NAV3: variants seen among roughly 807,000 people sequenced by gnomAD.
The protein encoded by NAV3 is pore membrane and/or filament interacting like protein 1.
A neutral mutation model predicts 244.7 loss-of-function variants in NAV3; 87 were observed. The observed-to-expected ratio is 0.36, with a 90% CI of 0.30 to 0.42. The LOEUF (loss-of-function observed/expected upper bound fraction) is 0.42. Among genes scored for constraint, NAV3 ranks in the 20% least tolerant of loss-of-function variants. The probability of loss-of-function intolerance (pLI) is 1.00; values close to 1 mark genes in which losing one functional copy is unlikely to be tolerated. For missense variants in NAV3, 2,663 were observed against 2,893.3 expected (o/e 0.92, Z 1.83); for synonymous variants, 1,126 against 1,042.2 (o/e 1.08, Z -1.55).
At chr12:77,982,038 A>C (rs1327611304) in intron 5 of NAV3, among the ~76,000 whole-genome samples, 1 of 152,200 alleles carries the variant, frequency 6.6e-6, no homozygotes, top group Non-Finnish European at 1.5e-5. Context: ...AGAGTTATAA[A>C]AACTGATGTA....
intron 12 of NAV3, among the ~76,000 whole-genome samples, chr12:78,105,012 T>G (rs2694676): frequency 0.62 from 94,184 of 151,944 alleles, 29,343 homozygotes; most frequent in Middle Eastern, 0.65. Flanking sequence ...TTAGGATAGA[T>G]TCCTAGAAAT....
At chr12:77,711,028 C>T (rs1012400544) in intron 2 of NAV3, among the ~76,000 whole-genome samples, 14 of 152,306 alleles carry the variant, frequency 9.2e-5, no homozygotes, top group African/African-American at 3.1e-4. Context: ...TTAAAACACT[C>T]TTTAAGTATT....
At chr12:78,179,824 A>G (rs2305974) in intron 29 of NAV3, 142 bp downstream of exon 29, 3 of 975,120 alleles carry the variant, frequency 3.1e-6, no homozygotes, top group Non-Finnish European at 4.4e-6. Context: ...TTTGCAACTC[A>G]TCTGTTAGTA....
intron 2 of NAV3, among the ~76,000 whole-genome samples, chr12:77,621,461 C>CT (rs992490703): frequency 6.7e-6 from 1 of 149,524 alleles, no homozygotes; most frequent in Non-Finnish European, 1.5e-5. Context: ...AACTCTACCT[C>CT]TTTTTTTTCT....
chr12:77,802,675 CT>C (rs1008596060), intron 2 of NAV3, among the ~76,000 whole-genome samples: 7 of 150,898 alleles, frequency 4.6e-5, no homozygotes, highest in Admixed American at 2.6e-4. Flanking sequence ...AGCTTTTTTT[CT>C]TTTTTTTTGA....
chr12:77,812,642 T>G (rs1223941082), intron 2 of NAV3, among the ~76,000 whole-genome samples: 3 of 152,068 alleles, frequency 2.0e-5, no homozygotes, highest in African/African-American at 7.2e-5. Context: ...CTCGAACTCC[T>G]GACCTAGGTG....
intron 1 of NAV3, among the ~76,000 whole-genome samples, chr12:77,841,518 C>T (rs1284514877): frequency 7.2e-5 from 11 of 152,174 alleles, no homozygotes; most frequent in Admixed American, 7.2e-4. Context: ...TTATTCTCCA[C>T]TTTTTTAATG....
intron 2 of NAV3, among the ~76,000 whole-genome samples, chr12:77,611,325 T>C (rs1394977424): frequency 6.6e-6 from 1 of 151,980 alleles, no homozygotes; most frequent in Non-Finnish European, 1.5e-5. Flanking sequence ...TGGAAAAAAA[T>C]TAGTTGCAAG....
At chr12:77,668,107 G>T (rs929358086) in intron 2 of NAV3, among the ~76,000 whole-genome samples, 1 of 152,154 alleles carries the variant, frequency 6.6e-6, no homozygotes, top group Non-Finnish European at 1.5e-5. Context: ...CCACATCAAG[G>T]GAGCATCCCA....
chr12:77,577,449 G>A (rs893193199), intron 2 of NAV3, among the ~76,000 whole-genome samples: 4 of 152,074 alleles, frequency 2.6e-5, no homozygotes, highest in African/African-American at 9.7e-5. Context: ...TTTGGACTTG[G>A]TATAACAGAA....
intron 2 of NAV3, among the ~76,000 whole-genome samples, chr12:77,622,092 T>C (rs1871395918): frequency 6.6e-6 from 1 of 152,166 alleles, no homozygotes; most frequent in Non-Finnish European, 1.5e-5. Context: ...TTCATTATAC[T>C]GATGAGAAAA....
rs1332651215 is a variant in NAV3 at position 78,116,902 on chromosome 12, C to T, written c.2767C>T (p.Gln923Ter). ...NITVPSRKNT[Q>*]LRTDSEKRST... ...CACCGTCCCCTCTAGGAAGAATACT[C>T]AGGTGAGAATTACCACCTTTCTTTT... Residue 923 changes from glutamine (Q) to a stop codon, truncating the protein, a stop_gained and splice_region_variant, in exon 13 of 40, where the codon CAG (glutamine) becomes TAG (stop). Transcript: ENST00000397909. LOFTEE classifies it high-confidence loss of function. 1 of 1,610,358 alleles carries T rather than the reference C, an allele frequency of 6.2e-7. No individual in the cohort carries two copies. The highest frequency in any genetic ancestry group is 8.5e-7 in the Non-Finnish European group (1 of 1,177,714).
chr12:77,633,837 G>T (rs1872032135), intron 2 of NAV3, among the ~76,000 whole-genome samples: 1 of 152,096 alleles, frequency 6.6e-6, no homozygotes, highest in African/African-American at 2.4e-5. Flanking sequence ...TTATTAGAAT[G>T]CTAATTAAAA....
chr12:78,157,231 T>C (rs1957340088), intron 22 of NAV3, among the ~76,000 whole-genome samples: 1 of 151,956 alleles, frequency 6.6e-6, no homozygotes, highest in South Asian at 2.1e-4. Context: ...CTTTTATATA[T>C]GTGTGGATTT....
At chr12:78,133,754 A>G (rs1248948732) in intron 18 of NAV3, among the ~76,000 whole-genome samples, 2 of 152,166 alleles carry the variant, frequency 1.3e-5, no homozygotes, top group Admixed American at 1.3e-4. Context: ...AAGAAAGACT[A>G]ACAAAGTATA....
At chr12:77,959,810 A>G (rs1035124383) in intron 3 of NAV3, among the ~76,000 whole-genome samples, 1 of 146,044 alleles carries the variant, frequency 6.8e-6, no homozygotes, top group Non-Finnish European at 1.5e-5. Context: ...ACCCCTTGGC[A>G]CTTCCATTTC....
At chr12:78,171,798 A>C (rs1958010843) in intron 24 of NAV3, among the ~76,000 whole-genome samples, 1 of 151,534 alleles carries the variant, frequency 6.6e-6, no homozygotes, top group Non-Finnish European at 1.5e-5. Context: ...TCTGTAATAT[A>C]TATTTTTAAC....
intron 2 of NAV3, among the ~76,000 whole-genome samples, chr12:77,622,631 A>G (rs1871430311): frequency 6.8e-6 from 1 of 146,456 alleles, no homozygotes; most frequent in Non-Finnish European, 1.5e-5. Context: ...AGCTAGTTGT[A>G]CTTGCTCCAA....
chr12:77,961,397 A>G (rs545732678), intron 3 of NAV3, among the ~76,000 whole-genome samples: 79 of 66,122 alleles, frequency 1.2e-3, no homozygotes, highest in African/African-American at 2.6e-3. Flanking sequence ...TACATTATAT[A>G]TTTAGTATAA....
Sources: allele counts gnomAD v4.1 joint callset (sites outside exome capture counted in the v4.1 genomes callset), GRCh38; gene constraint gnomAD v4.1.1; transcripts MANE v1.5; gene names NCBI Gene and HGNC (gene_info 2026-07-23, HGNC 2026-07-21).